The following SNAPC4 variants were observed in gnomAD, a reference collection of about 807,000 sequenced individuals.
SNAPC4 encodes snRNA-activating protein complex subunit 4.
In SNAPC4, 127 loss-of-function variants were observed where a neutral mutation model predicts 151.3. The observed-to-expected ratio is 0.84, with a 90% CI of 0.73 to 0.97. The LOEUF is 0.97. Ranked by LOEUF, SNAPC4 falls within the 50% of genes least tolerant of loss-of-function variation. SNAPC4 has a pLI of 0.00. For synonymous variants in SNAPC4, 1,002 were observed against 824.4 expected (o/e 1.22, Z -3.69); for missense variants, 2,186 against 1,935.0 (o/e 1.13, Z -2.43).
chr9:136,389,244 C>T (rs143747850), intron 10 of SNAPC4, among the ~76,000 whole-genome samples: 1 of 152,310 alleles, frequency 6.6e-6, no homozygotes, highest in East Asian at 1.9e-4. Context: ...CTACCTGAAC[C>T]CTGTTCTCTG....
At position 136,378,337 on chromosome 9, in the gene SNAPC4, G is replaced by A; in HGVS notation, c.3490C>T (p.Pro1164Ser). 1 of 1,607,402 alleles carries A rather than the reference G, an allele frequency of 6.2e-7. No homozygotes were observed. Among genetic ancestry groups the A allele is most frequent in the Middle Eastern group, 1.7e-4 (1 of 6,050 alleles). The change falls in exon 22 of 24, where the codon CCT becomes TCT. Residue 1164 changes from proline (P) to serine (S), a missense_variant. By Grantham distance (74) the Pro-to-Ser change is moderately conservative. Coordinates refer to ENST00000684778, the MANE Select transcript of SNAPC4 (RefSeq NM_003086.4). ...APPTHALSQS[P>S]AEADGSVAFV... is the part of the protein sequence containing the mutation. ...GCCACACTGCCATCCGCTTCTGCAG[G>A]ACTTTGGGAGAGGGCGTGTGTGGGA...
intron 7 of SNAPC4, among the ~76,000 whole-genome samples, chr9:136,393,081 C>T (rs1388933381): frequency 1.3e-5 from 2 of 152,230 alleles, no homozygotes; most frequent in Admixed American, 6.5e-5. Flanking sequence ...GTGCCTGGCA[C>T]AGAGACACAG....
chr9:136,377,716 C>T lies in SNAPC4; in HGVS notation c.4111G>A (p.Ala1371Thr). ...YLLLRARFLA[A>T]FTLPALLATL... is the part of the protein sequence containing the mutation. Reference sequence around the variant, plus strand: ...GCCAGGAGCGCAGGGAGGGTGAAGGCTGCCAGGAACCGCGCCCGCAACAGG... The same window carrying T: ...GCCAGGAGCGCAGGGAGGGTGAAGGTTGCCAGGAACCGCGCCCGCAACAGG... The change falls in exon 22 of 24, where the codon GCC (alanine) becomes ACC (threonine). Residue 1371 changes from alanine (A) to threonine (T), a missense_variant. Ala to Thr is a moderately conservative substitution (Grantham distance 58). Coordinates refer to ENST00000684778, the MANE Select transcript of SNAPC4 (RefSeq NM_003086.4). 3.1e-6 allele frequency: 5 copies of T among 1,608,794 alleles called. No homozygotes were observed. Among genetic ancestry groups the T allele is most frequent in the South Asian group, 1.1e-5 (1 of 90,774 alleles).
At position 136,380,790 on chromosome 9, in the gene SNAPC4, G is replaced by C; in HGVS notation, c.2449C>G (p.Pro817Ala). Reference sequence around the variant, plus strand: ...CGAGCACCAGCCTGGGGCAGCCTGGGTGGCAGGGCCTTCCTCTCTCGGACG... The same window carrying C: ...CGAGCACCAGCCTGGGGCAGCCTGGCTGGCAGGGCCTTCCTCTCTCGGACG... ...EVVRERKALP[P>A]RLPQAGARDP... The change falls in exon 20 of 24, where the codon CCC becomes GCC. Residue 817 changes from proline (P) to alanine (A), a missense_variant. Pro to Ala is a conservative substitution (Grantham distance 27). Transcript: ENST00000684778. 1 of 1,612,220 alleles carries C rather than the reference G, an allele frequency of 6.2e-7. No homozygotes were observed. Among genetic ancestry groups the C allele is most frequent in the Non-Finnish European group, 8.5e-7 (1 of 1,179,320 alleles).
At position 136,388,591 on chromosome 9, in the gene SNAPC4, T is replaced by C. The variant is rs755749209; in HGVS notation, c.976A>G (p.Thr326Ala). 3.7e-6 allele frequency: 6 copies of C among 1,613,776 alleles called. No individual in the cohort carries two copies. The highest frequency in any genetic ancestry group is 5.1e-6 in the Non-Finnish European group (6 of 1,180,012). Residue 326 changes from threonine (T) to alanine (A), a missense_variant and splice_region_variant, in exon 11 of 24, where the codon ACC (threonine) becomes GCC (alanine). Transcript: ENST00000684778. ...AGGCACTGGAAGGCGCTGCGGCTGG[T>C]CTTCCCAGGCCCAAACAAAAGCAAA... is the stretch of plus-strand genomic sequence containing the variant. ...EWQKIAEELG[T>A]SRSAFQCLQK...
At position 136,392,394 on chromosome 9, in the gene SNAPC4, T is replaced by A. The variant is rs922505721; in HGVS notation, c.810+128A>T. Reference sequence around the variant, plus strand: ...CTGTGGGACATGTGCTTGACCCGGGTGGGTGGGGGGTCACAGCAGAACCTG... The same window carrying A: ...CTGTGGGACATGTGCTTGACCCGGGAGGGTGGGGGGTCACAGCAGAACCTG... On this transcript the variant is annotated intron_variant, in intron 9 of 23. Coordinates refer to ENST00000684778, the MANE Select transcript of SNAPC4 (RefSeq NM_003086.4). 3.2e-6 allele frequency: 3 copies of A among 948,370 alleles called. No homozygotes were observed. In the East Asian group the frequency reaches 7.2e-5, roughly 23 times the overall value. 58.7% of individuals were successfully genotyped at this position (948,370 alleles called of 1,614,324 possible).
rs1344311547 is a variant in SNAPC4, at chr9:136,383,608, T to C, written c.1561A>G (p.Thr521Ala). The change falls in exon 16 of 24, where the codon ACC (threonine) becomes GCC (alanine). Residue 521 changes from threonine (T) to alanine (A), a missense_variant. Coordinates refer to ENST00000684778, the MANE Select transcript of SNAPC4 (RefSeq NM_003086.4). The surrounding 1 kb of genome is among the most constrained non-coding windows in gnomAD (Gnocchi z 4.2). The stretch of plus-strand genomic sequence containing the variant: ...CCACTGCTGCTGCCGCTGCTGCTGG[T>C]AGAGCTCCACCGGACGCTGTGACGG... ...RARHSVRWSS[T>A]SSSGSSSGSS... is the part of the protein sequence containing the mutation. 10 of 1,611,986 alleles carry C rather than the reference T, an allele frequency of 6.2e-6. No homozygotes were observed. The highest frequency in any genetic ancestry group is 2.7e-5 in the African/African-American group (2 of 74,902).
chr9:136,392,581 C>G lies in SNAPC4; in HGVS notation c.751G>C (p.Glu251Gln), dbSNP rs1289023561. The G allele has an allele frequency of 6.2e-7, 1 of 1,613,904 alleles. No homozygotes were observed. Among genetic ancestry groups the G allele is most frequent in the East Asian group, 2.2e-5 (1 of 44,878 alleles). Residue 251 changes from glutamate to glutamine, a missense_variant, in exon 9 of 24, where the codon GAG becomes CAG. Glu to Gln is a conservative substitution (Grantham distance 29). Coordinates refer to ENST00000684778, the MANE Select transcript of SNAPC4 (RefSeq NM_003086.4). ...EIQDINQLPE[E>Q]ALLGNRLDSH... ...TCCAGCCTGTTTCCCAGCAAGGCCT[C>G]TTCTGGAAGCTGGCTGGTGGAAGGG...
intron 14 of SNAPC4, 87 bp from the exon 15 acceptor site, chr9:136,384,119 G>T: frequency 8.6e-7 from 1 of 1,159,020 alleles, no homozygotes; most frequent in Non-Finnish European, 1.2e-6. Context: ...ACTCGCCGTG[G>T]CCCCATCAGA....
chr9:136,398,868 C>G (rs1564398322), intron 1 of SNAPC4: 1 of 167,772 alleles, frequency 6.0e-6, no homozygotes, highest in Non-Finnish European at 1.3e-5. Flanking sequence ...CCTGCTCTCC[C>G]ATGACACAGA....
chr9:136,381,792 C>A, intron 18 of SNAPC4, 32 bp downstream of exon 18: 3 of 1,596,376 alleles, frequency 1.9e-6, no homozygotes, highest in Non-Finnish European at 2.6e-6. Context: ...CCCTCGCCCC[C>A]AGGATGCTCC....
At chr9:136,394,582 T>A (rs950098195) in intron 6 of SNAPC4, among the ~76,000 whole-genome samples, 1 of 151,826 alleles carries the variant, frequency 6.6e-6, no homozygotes, top group Non-Finnish European at 1.5e-5. Context: ...GAGGGTGGGG[T>A]GCGGCCTGGC....
At chr9:136,386,774 A>G (rs982491554) in intron 13 of SNAPC4, among the ~76,000 whole-genome samples, 3 of 148,114 alleles carry the variant, frequency 2.0e-5, no homozygotes, top group South Asian at 4.3e-4. Flanking sequence ...TATTTTTTTG[A>G]GACAGTCTTG....
Position 136,381,921 on chromosome 9 carries a change from C to T in SNAPC4, c.2220G>A (p.Leu740=), listed in dbSNP as rs1382044441. 1 of 1,612,844 alleles carries T rather than the reference C, an allele frequency of 6.2e-7. No homozygotes were observed. Among genetic ancestry groups the T allele is most frequent in the Non-Finnish European group, 8.5e-7 (1 of 1,180,014 alleles). Reference sequence around the variant, plus strand: ...TCACAGCCAGCAGCAGCCTGCGGTTCAGGAGCCTCCGGTGCAGAGCGTGTC... The same window carrying T: ...TCACAGCCAGCAGCAGCCTGCGGTTTAGGAGCCTCCGGTGCAGAGCGTGTC... ...RWRHALHRRL[L]NRRLLLAVTP... Residue 740 remains leucine, a synonymous_variant, in exon 18 of 24, where the codon CTG becomes CTA. Transcript: ENST00000684778.
Position 136,383,765 on chromosome 9 carries a change from G to T in SNAPC4, c.1501-97C>A, listed in dbSNP as rs1833794873. 1 of 1,482,262 alleles carries T rather than the reference G, an allele frequency of 6.7e-7. No individual in the cohort carries two copies. The highest frequency in any genetic ancestry group is 2.3e-5 in the East Asian group (1 of 44,070). The allele number at this position is 1,482,262 out of a possible 1,614,324, so 91.8% of individuals were successfully genotyped here. On this transcript the variant is annotated intron_variant, in intron 15 of 23. Coordinates refer to ENST00000684778, the MANE Select transcript of SNAPC4 (RefSeq NM_003086.4). This position sits in a 1 kb window ranked among gnomAD's most constrained non-coding sequence, Gnocchi z 4.2. ...GCCCTTTGGGGAGAGGCCCAAGCGG[G>T]GGCGCCTCCGGGGTCAAGAGCAGCC...
rs915444912 is a variant in SNAPC4, at chr9:136,392,450, A to T, written c.810+72T>A. The T allele has an allele frequency of 3.1e-5, 46 of 1,486,134 alleles. No homozygotes were observed. In the African/African-American group the frequency reaches 6.1e-4, roughly 20 times the overall value. 92.1% of individuals were successfully genotyped at this position (1,486,134 alleles called of 1,614,324 possible). ...AGGGAGGGTGTGGCCTTACCACCCA[A>T]TTCCAACTGCACCCGGGCTACAGGG... is the stretch of plus-strand genomic sequence containing the variant. On this transcript the variant is annotated intron_variant, in intron 9 of 23. Coordinates refer to ENST00000684778, the MANE Select transcript of SNAPC4 (RefSeq NM_003086.4).
Position 136,388,603 on chromosome 9 carries a change from C to A in SNAPC4, c.976-12G>T, listed in dbSNP as rs1833970165. ...GCGCTGCGGCTGGTCTTCCCAGGCC[C>A]AAACAAAAGCAAATGAGTGTTACTG... On this transcript the variant is annotated splice_polypyrimidine_tract_variant and intron_variant, in intron 10 of 23. Transcript: ENST00000684778. The A allele has an allele frequency of 6.2e-7, 1 of 1,613,674 alleles. No homozygotes were observed. Among genetic ancestry groups the A allele is most frequent in the Admixed American group, 1.7e-5 (1 of 59,996 alleles).
chr9:136,384,601 G>GT (rs1833824568), intron 14 of SNAPC4, 119 bp downstream of exon 14: 1 of 560,786 alleles, frequency 1.8e-6, no homozygotes, highest in East Asian at 3.2e-5. Flanking sequence ...GTGGGCTATG[G>GT]TCGCACCACC....
chr9:136,398,986 G>A (rs1255227408), intron 1 of SNAPC4, among the ~76,000 whole-genome samples: 1 of 152,258 alleles, frequency 6.6e-6, no homozygotes, highest in Non-Finnish European at 1.5e-5. Context: ...CAAAGGGAAG[G>A]CTGGCTGTTC....
Sources: gnomAD v4.1 joint callset for allele counts (sites outside exome capture counted in the v4.1 genomes callset) on GRCh38, gnomAD v4.1.1 for gene constraint, Gnocchi (gnomAD v3.1) non-coding constraint, MANE v1.5 for transcripts, NCBI Gene and HGNC (gene_info 2026-07-23, HGNC 2026-07-21) for gene names.